PLXNA1: variants seen among roughly 807,000 people sequenced by gnomAD.
The protein encoded by PLXNA1 is plexin A1.
In PLXNA1, 77 loss-of-function variants were observed where a neutral mutation model predicts 191.7. The ratio of observed to expected loss-of-function variants is 0.40; its 90% confidence interval spans 0.33 to 0.49. The LOEUF (loss-of-function observed/expected upper bound fraction) is 0.49, where lower values mean the gene tolerates loss of function less well. Among genes scored for constraint, PLXNA1 ranks in the 20% least tolerant of loss-of-function variants. PLXNA1 has a pLI of 0.63. For missense variants in PLXNA1, 2,110 were observed against 2,660.2 expected (o/e 0.79, Z 4.55); for synonymous variants, 1,137 against 1,156.4 (o/e 0.98, Z 0.34).
intron 23 of PLXNA1, chr3:127,027,736 A>T (rs1254355393): frequency 4.1e-6 from 3 of 728,424 alleles, no homozygotes; most frequent in East Asian, 5.4e-5. Context: ...TATTTGTGGG[A>T]TGGTGGGTAT....
In PLXNA1 at chr3:127,006,178, C is replaced by T. The variant is rs529602171; in HGVS notation, c.1997C>T (p.Ser666Phe). ...FVFYNCSVHQSCLSCVNGSFP... is the reference protein window; with the variant it reads ...FVFYNCSVHQFCLSCVNGSFP... Reference sequence around the variant, plus strand: ...TTCTACAACTGCAGCGTCCACCAGTCGTGAGTGTCTCTAGGCCCCTCCGCC... The same window carrying T: ...TTCTACAACTGCAGCGTCCACCAGTTGTGAGTGTCTCTAGGCCCCTCCGCC... Residue 666 changes from serine to phenylalanine, a missense_variant and splice_region_variant, in exon 8 of 32, where the codon TCC becomes TTC. Physicochemically the swap from Ser to Phe is radical, Grantham distance 155. This residue lies in a region of PLXNA1 where 903 missense variants were observed against 1,015.7 expected (regional missense o/e 0.89). Coordinates refer to ENST00000393409, the MANE Select transcript of PLXNA1 (RefSeq NM_032242.4). 5 of 1,612,054 alleles carry T rather than the reference C, an allele frequency of 3.1e-6. No homozygotes were observed. The highest frequency in any genetic ancestry group is 2.2e-5 in the East Asian group (1 of 44,872).
chr3:127,027,424 T>C (rs2079181776), intron 23 of PLXNA1: 1 of 358,186 alleles, frequency 2.8e-6, no homozygotes, highest in Non-Finnish European at 5.5e-6. Flanking sequence ...CAGAGTAATA[T>C]GGGGGCCCAG....
intron 3 of PLXNA1, among the ~76,000 whole-genome samples, chr3:126,994,468 G>A (rs2079005574): frequency 6.6e-6 from 1 of 152,142 alleles, no homozygotes. Context: ...GGCCACATGG[G>A]CAGAGGGTGC....
intron 23 of PLXNA1, among the ~76,000 whole-genome samples, chr3:127,023,964 G>A (rs568783876): frequency 2.6e-4 from 40 of 152,304 alleles, no homozygotes; most frequent in Non-Finnish European, 4.1e-4. Flanking sequence ...ACATTTATGT[G>A]TATATAGCAG....
Position 127,005,170 on chromosome 3 carries a change from C to A in PLXNA1, c.1824C>A (p.Ser608Arg). The change falls in exon 7 of 32, where the codon AGC becomes AGA. Residue 608 changes from serine (S) to arginine (R), a missense_variant. By Grantham distance (110) the Ser-to-Arg change is moderately radical. Coordinates refer to ENST00000393409, the MANE Select transcript of PLXNA1 (RefSeq NM_032242.4). The part of the protein sequence containing the change: ...CSFEDFTESE[S>R]VLEDGRIHCR... ...TCGAGGACTTCACGGAATCTGAGAG[C>A]GTCCTGGAGGATGGCCGGATCCACT... 6.2e-7 allele frequency: 1 copy of A among 1,612,576 alleles called. No individual in the cohort carries two copies. Among genetic ancestry groups the A allele is most frequent in the Non-Finnish European group, 8.5e-7 (1 of 1,179,892 alleles).
intron 1 of PLXNA1, among the ~76,000 whole-genome samples, chr3:126,985,030 G>T (rs2078951565): frequency 6.6e-6 from 1 of 152,158 alleles, no homozygotes; most frequent in African/African-American, 2.4e-5. Context: ...TTCCCCCCCG[G>T]CTGCTGTTGT....
Position 127,034,321 on chromosome 3 carries a change from G to A in PLXNA1, c.*304G>A, listed in dbSNP as rs1212769701. On this transcript the variant is annotated 3_prime_UTR_variant, in exon 32 of 32. Coordinates refer to ENST00000393409, the MANE Select transcript of PLXNA1 (RefSeq NM_032242.4). Reference sequence around the variant, plus strand: ...CAAGAGCTGCCCAGTGGCCTTCATGGGAGAAGGGCTGACCTCTGAGGGGCT... The same window carrying A: ...CAAGAGCTGCCCAGTGGCCTTCATGAGAGAAGGGCTGACCTCTGAGGGGCT... The A allele has an allele frequency of 6.4e-6, 2 of 310,912 alleles. No homozygotes were observed. The highest frequency in any genetic ancestry group is 1.2e-5 in the Non-Finnish European group (2 of 167,406). The allele number at this position is 310,912 out of a possible 1,614,324, so 19.3% of individuals were successfully genotyped here.
At chr3:127,025,092 C>T (rs918987319) in intron 23 of PLXNA1, among the ~76,000 whole-genome samples, 6 of 152,104 alleles carry the variant, frequency 3.9e-5, no homozygotes, top group African/African-American at 7.2e-5. Flanking sequence ...CAGTGCCCCT[C>T]GTTTCTGTGC....
chr3:127,003,753 TC>T (rs2079052532), intron 4 of PLXNA1, among the ~76,000 whole-genome samples: 1 of 152,194 alleles, frequency 6.6e-6, no homozygotes, highest in Admixed American at 6.5e-5. Context: ...CCTGTTGACT[TC>T]CTGACCACAG....
intron 20 of PLXNA1, 53 bp from the exon 21 acceptor site, chr3:127,020,149 C>T: frequency 6.3e-7 from 1 of 1,595,972 alleles, no homozygotes; most frequent in Non-Finnish European, 8.5e-7. Flanking sequence ...AGGGTTGGGG[C>T]ATGGAGCGGG....
At chr3:127,028,618 G>C (rs1315762499) in intron 25 of PLXNA1, among the ~76,000 whole-genome samples, 1 of 152,182 alleles carries the variant, frequency 6.6e-6, no homozygotes, top group Non-Finnish European at 1.5e-5. Flanking sequence ...GCTCATGAGA[G>C]GGGCAGGTGG....
intron 3 of PLXNA1, among the ~76,000 whole-genome samples, chr3:126,993,787 T>TGTCCCCC (rs1337083812): frequency 6.6e-6 from 1 of 152,204 alleles, no homozygotes; most frequent in Non-Finnish European, 1.5e-5. Flanking sequence ...GCCTCTGCTT[T>TGTCCCCC]GTCCCCCTGG....
rs771998859 is a variant in PLXNA1 at position 127,014,256 on chromosome 3, G to C, written c.2485G>C (p.Gly829Arg). 1 of 1,600,480 alleles carries C rather than the reference G, an allele frequency of 6.2e-7. No homozygotes were observed. ...CAAGGCCGACCCGCGCTTCGAGTGC[G>C]GATGGTGCGTGGCCGAGCGCCGCTG... ...CLKADPRFEC[G>R]WCVAERRCSL... Residue 829 changes from glycine to arginine, a missense_variant, in exon 12 of 32, where the codon GGA (glycine) becomes CGA (arginine). Physicochemically the swap from Gly to Arg is moderately radical, Grantham distance 125 (BLOSUM62 -2). This residue lies in a region of PLXNA1 where 644 missense variants were observed against 714.3 expected (regional missense o/e 0.90). Coordinates refer to ENST00000393409, the MANE Select transcript of PLXNA1 (RefSeq NM_032242.4).
chr3:126,996,527 G>A (rs2079015623), intron 3 of PLXNA1, among the ~76,000 whole-genome samples: 1 of 152,174 alleles, frequency 6.6e-6, no homozygotes, highest in African/African-American at 2.4e-5. Flanking sequence ...TCTGTAGTGA[G>A]CCTCCCTGTC....
intron 14 of PLXNA1, 39 bp downstream of exon 14, chr3:127,014,870 G>C (rs771733088): frequency 6.3e-7 from 1 of 1,596,708 alleles, no homozygotes; most frequent in Non-Finnish European, 8.5e-7. Flanking sequence ...ATTCTCTGCT[G>C]CTCTGAGAGG....
intron 8 of PLXNA1, among the ~76,000 whole-genome samples, chr3:127,006,466 G>A (rs886834216): frequency 6.6e-6 from 1 of 152,234 alleles, no homozygotes; most frequent in South Asian, 2.1e-4. Flanking sequence ...GTGGGCGGCA[G>A]TGCCTGCCCC....
Position 126,989,741 on chromosome 3 carries a change from T to G in PLXNA1, c.1148T>G (p.Leu383Arg). 1 of 1,612,666 alleles carries G rather than the reference T, an allele frequency of 6.2e-7. No homozygotes were observed. Among genetic ancestry groups the G allele is most frequent in the Non-Finnish European group, 8.5e-7 (1 of 1,179,814 alleles). ...IQSCYRGEGKLSLPWLLNKEL... is the reference protein window; with the variant it reads ...IQSCYRGEGKRSLPWLLNKEL... Reference sequence around the variant, plus strand: ...TCCTGCTACCGTGGTGAGGGCAAGCTCTCCCTGCCGTGGCTGCTCAACAAG... The same window carrying G: ...TCCTGCTACCGTGGTGAGGGCAAGCGCTCCCTGCCGTGGCTGCTCAACAAG... Residue 383 changes from leucine to arginine, a missense_variant, in exon 2 of 32, where the codon CTC becomes CGC. Physicochemically the swap from Leu to Arg is moderately radical, Grantham distance 102. Around this residue, in one of 4 missense-constraint regions of PLXNA1, gnomAD observed 903 missense variants for 1,015.7 expected, o/e 0.89. Transcript: ENST00000393409.
At chr3:126,984,405 G>A (rs918674958) in intron 1 of PLXNA1, among the ~76,000 whole-genome samples, 9 of 152,244 alleles carry the variant, frequency 5.9e-5, no homozygotes, top group African/African-American at 2.2e-4. Flanking sequence ...CCGGTTTGGG[G>A]GTCGGTGCAG....
At chr3:127,014,974 C>T in intron 14 of PLXNA1, 143 bp downstream of exon 14, 9 of 1,410,022 alleles carry the variant, frequency 6.4e-6, no homozygotes, top group Non-Finnish European at 8.5e-6. Context: ...CCCTCCCCTC[C>T]TGTGCCTAGG....
Sources: gnomAD v4.1 joint callset for allele counts (sites outside exome capture counted in the v4.1 genomes callset) on GRCh38, gnomAD v4.1.1 for gene constraint, gnomAD v4.1.1 regional missense constraint, MANE v1.5 for transcripts, NCBI Gene and HGNC (gene_info 2026-07-23, HGNC 2026-07-21) for gene names.